The following CTNND2 variants were observed in gnomAD, a reference collection of about 807,000 sequenced individuals.
CTNND2 encodes the protein catenin delta-2.
Under a neutral mutation model 144.4 loss-of-function variants are expected in CTNND2, and 22 were observed. The observed-to-expected ratio is 0.15, with a 90% CI of 0.11 to 0.22. The LOEUF (loss-of-function observed/expected upper bound fraction) is 0.22, where lower values mean the gene tolerates loss of function less well. Ranked by LOEUF, CTNND2 falls within the 10% of genes least tolerant of loss-of-function variation. CTNND2 has a pLI of 1.00. For synonymous variants in CTNND2, 751 were observed against 695.6 expected, an observed-to-expected ratio of 1.08 and a Z score of -1.25; for missense variants, 1,353 against 1,618.8, an observed-to-expected ratio of 0.84 and a Z score of 2.82.
At chr5:11,008,492 A>G (rs1740724382) in intron 18 of CTNND2, among the ~76,000 whole-genome samples, 1 of 152,190 alleles carries the variant, frequency 6.6e-6, no homozygotes, top group Non-Finnish European at 1.5e-5. Context: ...GAAGCTGGAA[A>G]AGGCAAGGAA....
intron 18 of CTNND2, among the ~76,000 whole-genome samples, chr5:11,017,578 C>G (rs939910749): frequency 1.2e-5 from 1 of 83,036 alleles, no homozygotes; most frequent in African/African-American, 6.8e-5. Context: ...ATATATATAT[C>G]TTTCCATATA....
In CTNND2 at chr5:11,704,819, C is replaced by G. The variant is rs184011406; in HGVS notation, c.174+27317G>C. Among the ~76,000 whole-genome samples the G allele has an allele frequency of 1.1e-4, 16 of 151,914 alleles. No individual in the cohort carries two copies. In the East Asian group the frequency reaches 3.1e-3, roughly 30 times the overall value. On this transcript the variant is annotated intron_variant, in intron 2 of 21. Coordinates refer to ENST00000304623, the MANE Select transcript of CTNND2 (RefSeq NM_001332.4). ...CTACATAAAGCATATTTACTTGGCT[C>G]CCTTCCCTGAAACCCACTGCAATGG...
intron 2 of CTNND2, among the ~76,000 whole-genome samples, chr5:11,645,491 A>C (rs1371441411): frequency 6.6e-6 from 1 of 152,234 alleles, no homozygotes; most frequent in Non-Finnish European, 1.5e-5. Flanking sequence ...AGTTATGTAT[A>C]CTAAATTCAA....
intron 11 of CTNND2, among the ~76,000 whole-genome samples, chr5:11,182,782 T>C (rs575257324): frequency 6.6e-6 from 1 of 152,218 alleles, no homozygotes; most frequent in Non-Finnish European, 1.5e-5. Flanking sequence ...AATGATTTTT[T>C]AAAAGGTAAT....
chr5:11,006,798 T>C (rs981509596), intron 18 of CTNND2, among the ~76,000 whole-genome samples: 2 of 151,908 alleles, frequency 1.3e-5, no homozygotes, highest in Admixed American at 6.6e-5. Flanking sequence ...TGGAGAAGGA[T>C]GGGGAGAGGA....
chr5:11,101,033 C>A (rs1388382531), intron 14 of CTNND2, among the ~76,000 whole-genome samples: 1 of 152,126 alleles, frequency 6.6e-6, no homozygotes, highest in Non-Finnish European at 1.5e-5. Flanking sequence ...CAGAGAGAAT[C>A]TGAAGGAATA....
chr5:11,503,310 T>G (rs1218249726), intron 3 of CTNND2, among the ~76,000 whole-genome samples: 1 of 152,240 alleles, frequency 6.6e-6, no homozygotes, highest in African/African-American at 2.4e-5. Context: ...TAGTTTCTTT[T>G]CATATACTGC....
chr5:11,810,513 G>A (rs1017490516), intron 1 of CTNND2, among the ~76,000 whole-genome samples: 1 of 152,088 alleles, frequency 6.6e-6, no homozygotes, highest in African/African-American at 2.4e-5. Context: ...TTTAAATGTG[G>A]ATTACTACTT....
chr5:11,771,428 C>T (rs1226087805), intron 1 of CTNND2, among the ~76,000 whole-genome samples: 1 of 121,270 alleles, frequency 8.2e-6, no homozygotes, highest in Non-Finnish European at 1.7e-5. Flanking sequence ...CTAATTAGTG[C>T]AGATCTACAT....
chr5:11,096,373 T>C (rs891189336), intron 15 of CTNND2, among the ~76,000 whole-genome samples: 1 of 152,120 alleles, frequency 6.6e-6, no homozygotes, highest in Non-Finnish European at 1.5e-5. Flanking sequence ...TTCCATGTGT[T>C]CTCATTGTTC....
intron 3 of CTNND2, among the ~76,000 whole-genome samples, chr5:11,476,186 G>A (rs560517101): frequency 5.9e-5 from 9 of 151,850 alleles, no homozygotes; most frequent in South Asian, 2.1e-4. Flanking sequence ...TAATTAACTC[G>A]GAAAACCCAC....
chr5:11,250,306 AATAT>A (rs1243127464), intron 9 of CTNND2, among the ~76,000 whole-genome samples: 7 of 152,104 alleles, frequency 4.6e-5, no homozygotes, highest in Admixed American at 2.0e-4. Flanking sequence ...CGTTGATTTC[AATAT>A]AATGGTACCC....
At chr5:11,490,538 A>AT (rs58252435) in intron 3 of CTNND2, among the ~76,000 whole-genome samples, 57,192 of 151,982 alleles carry the variant, frequency 0.38, 11,126 homozygotes, top group South Asian at 0.44. Context: ...AAGACATTTC[A>AT]TTTGAATTTT....
intron 12 of CTNND2, among the ~76,000 whole-genome samples, chr5:11,153,788 AAAAT>A (rs1757966626): frequency 6.6e-6 from 1 of 152,224 alleles, no homozygotes; most frequent in South Asian, 2.1e-4. Flanking sequence ...TAGAATAATA[AAAAT>A]AAATAAACGA....
At chr5:11,810,106 G>C (rs1456839373) in intron 1 of CTNND2, among the ~76,000 whole-genome samples, 1 of 152,006 alleles carries the variant, frequency 6.6e-6, no homozygotes, top group Non-Finnish European at 1.5e-5. Flanking sequence ...ATGCCAACTT[G>C]AATGTGACAT....
chr5:11,358,678 C>T (rs1238952839), intron 8 of CTNND2, among the ~76,000 whole-genome samples: 2 of 152,140 alleles, frequency 1.3e-5, no homozygotes, highest in Non-Finnish European at 2.9e-5. Context: ...TATGAATATG[C>T]AGGTCCTATG....
At chr5:10,980,379 A>AT (rs1737075855) in intron 21 of CTNND2, among the ~76,000 whole-genome samples, 1 of 152,240 alleles carries the variant, frequency 6.6e-6, no homozygotes, top group Non-Finnish European at 1.5e-5. Flanking sequence ...AATGGCGATC[A>AT]TTAAAAAGTC....
At chr5:11,824,631 C>T (rs897418770) in intron 1 of CTNND2, among the ~76,000 whole-genome samples, 1 of 152,080 alleles carries the variant, frequency 6.6e-6, no homozygotes, top group Non-Finnish European at 1.5e-5. Flanking sequence ...TCTCTCCTAC[C>T]CAAGAAAAAT....
At chr5:11,835,930 C>T (rs1023951885) in intron 1 of CTNND2, among the ~76,000 whole-genome samples, 1 of 152,022 alleles carries the variant, frequency 6.6e-6, no homozygotes, top group Non-Finnish European at 1.5e-5. Context: ...AGGACCTGTC[C>T]CCTTTTTTAA....
Sources: gnomAD v4.1 joint callset for allele counts (sites outside exome capture counted in the v4.1 genomes callset) on GRCh38, gnomAD v4.1.1 for gene constraint, MANE v1.5 for transcripts, NCBI Gene and HGNC (gene_info 2026-07-23, HGNC 2026-07-21) for gene names.